SRPK2: variants seen among roughly 807,000 people sequenced by gnomAD.
The protein encoded by SRPK2 is SRSF protein kinase 2.
A neutral mutation model predicts 90.8 loss-of-function variants in SRPK2; 21 were observed. That is an observed-to-expected ratio of 0.23 (90% CI 0.16 to 0.33). The LOEUF (loss-of-function observed/expected upper bound fraction) is 0.33. SRPK2 is among the 10% of genes least tolerant of loss of function. The pLI is 1.00. For missense variants in SRPK2, 620 were observed against 869.0 expected, an observed-to-expected ratio of 0.71 and a Z score of 3.60; for synonymous variants, 288 against 311.1, an observed-to-expected ratio of 0.93 and a Z score of 0.78.
At chr7:105,322,750 A>T (rs927455274) in intron 2 of SRPK2, among the ~76,000 whole-genome samples, 3 of 61,824 alleles carry the variant, frequency 4.9e-5, no homozygotes, top group Non-Finnish European at 9.3e-5. Context: ...ACCTCAATTA[A>T]AAAAAAAAAA....
intron 2 of SRPK2, among the ~76,000 whole-genome samples, chr7:105,355,620 T>C (rs1163238646): frequency 6.6e-6 from 1 of 152,156 alleles, no homozygotes; most frequent in Non-Finnish European, 1.5e-5. Context: ...TGTCACTGTG[T>C]TCTAACCTGG....
chr7:105,151,331 TTA>T (rs1805610195), intron 7 of SRPK2, among the ~76,000 whole-genome samples: 1 of 152,202 alleles, frequency 6.6e-6, no homozygotes, highest in Non-Finnish European at 1.5e-5. Flanking sequence ...GGCAAGCTGT[TTA>T]AGCTGTTTGA....
intron 2 of SRPK2, among the ~76,000 whole-genome samples, chr7:105,240,895 C>T (rs1201088633): frequency 6.6e-6 from 1 of 152,156 alleles, no homozygotes; most frequent in African/African-American, 2.4e-5. Context: ...TTTGTCAGTA[C>T]TATGCCAGTT....
chr7:105,250,663 T>C (rs1022776189), intron 2 of SRPK2, among the ~76,000 whole-genome samples: 1 of 152,244 alleles, frequency 6.6e-6, no homozygotes, highest in Admixed American at 6.5e-5. Context: ...AGATCTACTT[T>C]AAAAACATTT....
chr7:105,263,194 G>A (rs112675813), intron 2 of SRPK2, among the ~76,000 whole-genome samples: 67,751 of 151,454 alleles, frequency 0.45, 16,129 homozygotes, highest in South Asian at 0.53. Flanking sequence ...GTGGTGGCGC[G>A]GGCCTGTAAT....
intron 2 of SRPK2, among the ~76,000 whole-genome samples, chr7:105,240,845 G>A (rs902119121): frequency 3.3e-5 from 5 of 152,120 alleles, no homozygotes; most frequent in Non-Finnish European, 5.9e-5. Context: ...CGTCCAGTAT[G>A]TACTGAAATA....
intron 6 of SRPK2, among the ~76,000 whole-genome samples, chr7:105,165,307 AGAAAG>A (rs957687766): frequency 1.7e-4 from 26 of 152,356 alleles, no homozygotes; most frequent in East Asian, 1.2e-3. Context: ...TTCTCAAAAA[AGAAAG>A]GAAAGTCAAG....
chr7:105,389,507 T>G, upstream of SRPK2: 1 of 888,948 alleles, frequency 1.1e-6, no homozygotes, highest in South Asian at 2.1e-5. Flanking sequence ...CAGGATTGCA[T>G]GAGTTTAATG....
Position 105,227,038 on chromosome 7 carries a change from T to TC in SRPK2, c.72-23254dup, listed in dbSNP as rs553174498. On this transcript the variant is annotated intron_variant, in intron 2 of 15. Transcript: ENST00000393651. Reference sequence around the variant, plus strand: ...GCTGGCACCCTCTAGCGCTTGTGTGTCACCAGATTACTGGAAACATTTTAG... The same window carrying TC: ...GCTGGCACCCTCTAGCGCTTGTGTGTCCACCAGATTACTGGAAACATTTTAG... Among the ~76,000 whole-genome samples the TC allele has an allele frequency of 1.4e-3, 211 of 152,242 alleles. 4 individuals are homozygous for TC. The highest frequency in any genetic ancestry group is 4.9e-3 in the African/African-American group (204 of 41,538).
intron 2 of SRPK2, among the ~76,000 whole-genome samples, chr7:105,226,236 T>C (rs1585246410): frequency 6.6e-6 from 1 of 152,038 alleles, no homozygotes; most frequent in Non-Finnish European, 1.5e-5. Context: ...ATGGAAGATA[T>C]ATTTTGCTTG....
Position 105,331,731 on chromosome 7 carries a change from C to G in SRPK2, c.71+56917G>C, listed in dbSNP as rs145490999. Among the ~76,000 whole-genome samples, 152 of 152,108 alleles carry G rather than the reference C, an allele frequency of 1.0e-3. 1 individual carries two copies. Among genetic ancestry groups the G allele is most frequent in the Admixed American group, 5.6e-3 (86 of 15,262 alleles). On this transcript the variant is annotated intron_variant, in intron 2 of 15. Transcript: ENST00000393651. ...CACAGTAAATAGCACAAAAAGTGTA[C>G]GGAAAGTTGCAATAAATAAGTACTA...
intron 6 of SRPK2, among the ~76,000 whole-genome samples, chr7:105,161,826 T>C (rs1185382354): frequency 6.6e-6 from 1 of 152,238 alleles, no homozygotes; most frequent in Non-Finnish European, 1.5e-5. Flanking sequence ...TCAATTTTAA[T>C]ACTATAGGCA....
chr7:105,328,313 G>C (rs1045279168), intron 2 of SRPK2, among the ~76,000 whole-genome samples: 2 of 152,120 alleles, frequency 1.3e-5, no homozygotes, highest in African/African-American at 2.4e-5. Flanking sequence ...TGTAATCTCA[G>C]CATTTTGGGA....
intron 15 of SRPK2, among the ~76,000 whole-genome samples, chr7:105,122,515 G>C (rs938350430): frequency 1.3e-5 from 2 of 152,188 alleles, no homozygotes; most frequent in Admixed American, 1.3e-4. Flanking sequence ...GCCCACGAAA[G>C]AGCTTTCTTT....
chr7:105,198,082 T>A (rs1016260172), intron 3 of SRPK2, among the ~76,000 whole-genome samples: 1 of 152,214 alleles, frequency 6.6e-6, no homozygotes, highest in Admixed American at 6.5e-5. Context: ...GAAGGGTGCC[T>A]TCATGTGGTT....
intron 2 of SRPK2, among the ~76,000 whole-genome samples, chr7:105,358,901 G>A (rs1818103232): frequency 6.6e-6 from 1 of 151,878 alleles, no homozygotes; most frequent in Non-Finnish European, 1.5e-5. Context: ...TTCCACCCAT[G>A]CTGGAAGAAA....
In SRPK2 at chr7:105,182,442, TC is replaced by T. The variant is rs142053317; in HGVS notation, c.230-13178del. On this transcript the variant is annotated intron_variant, in intron 3 of 15. Coordinates refer to ENST00000393651, the MANE Select transcript of SRPK2 (RefSeq NM_182692.3). ...TTTGTGCAAAACTTGTGACTTTGTT[TC>T]CCCCCCCGCCTTTTTTTTTTTTTTT... 1.2e-4 allele frequency among the ~76,000 whole-genome samples: 16 copies of T among 136,914 alleles called. No homozygotes were observed. The South Asian group carries it at 2.3e-3, about 20-fold the overall frequency. 89.8% of individuals were successfully genotyped at this position (136,914 alleles called of 152,430 possible). A position where few individuals can be genotyped will look rare whatever the true frequency, so the allele number is the denominator to read the frequency against.
intron 2 of SRPK2, chr7:105,268,706 T>C (rs1467675702): frequency 2.2e-6 from 3 of 1,359,382 alleles, no homozygotes; most frequent in Non-Finnish European, 1.0e-6. Flanking sequence ...TGCAGGACAA[T>C]ACGTTATATA....
chr7:105,383,049 AAAAATTTTTTTTTTTTTTTTTTTTTTTTT>A (rs1370386064), intron 2 of SRPK2, among the ~76,000 whole-genome samples: 1 of 12,978 alleles, frequency 7.7e-5, no homozygotes, highest in East Asian at 5.3e-3. Flanking sequence ...TTTCAAAAGT[AAAAATTTTTTTTTTTTTTTTTTTTTTTTT>A]TTTGGAGACA....
Sources: allele counts gnomAD v4.1 joint callset (sites outside exome capture counted in the v4.1 genomes callset), GRCh38; gene constraint gnomAD v4.1.1; transcripts MANE v1.5; gene names NCBI Gene and HGNC (gene_info 2026-07-23, HGNC 2026-07-21).